CBR4: variants seen among roughly 807,000 people sequenced by gnomAD.
CBR4 encodes 3-oxoacyl-[acyl-carrier-protein] reductase.
In CBR4, 22 loss-of-function variants were observed where a neutral mutation model predicts 21.0. The ratio of observed to expected loss-of-function variants is 1.05; its 90% CI spans 0.75 to 1.50. The LOEUF (loss-of-function observed/expected upper bound fraction) is 1.50, where lower values mean the gene tolerates loss of function less well. CBR4 is among the 40% of genes most tolerant of loss of function. The pLI is 0.00. For missense variants in CBR4, 302 were observed against 286.3 expected, an observed-to-expected ratio of 1.05 and a Z score of -0.40; for synonymous variants, 100 against 104.4, an observed-to-expected ratio of 0.96 and a Z score of 0.26.
chr4:168,957,340 G>A (rs147160166), intron 2 of CBR4, among the ~76,000 whole-genome samples: 128 of 152,002 alleles, frequency 8.4e-4, no homozygotes, highest in Admixed American at 1.7e-3. Flanking sequence ...CATATGACTA[G>A]TCACTACAAG....
In CBR4 at chr4:168,987,720, A is replaced by G; in HGVS notation, c.*2430T>C. The stretch of plus-strand genomic sequence containing the variant: ...AATGTTTCACCAATGTTAAGGTACA[A>G]CTCTTGAATATGCAGCGTAGTCTTC... On this transcript the variant is annotated 3_prime_UTR_variant, in exon 5 of 5. Transcript: ENST00000306193. 3 of 984,728 alleles carry G rather than the reference A, an allele frequency of 3.0e-6. No homozygotes were observed. Among genetic ancestry groups the G allele is most frequent in the Admixed American group, 6.1e-5 (1 of 16,292 alleles). 61.0% of individuals were successfully genotyped at this position (984,728 alleles called of 1,614,324 possible). A position where few individuals can be genotyped will look rare whatever the true frequency, so the allele number is the denominator to read the frequency against.
At chr4:168,922,573 A>G (rs1761798029) in intron 2 of CBR4, among the ~76,000 whole-genome samples, 1 of 152,192 alleles carries the variant, frequency 6.6e-6, no homozygotes, top group South Asian at 2.1e-4. Context: ...CTCTTTCAAG[A>G]AATAGAGTAG....
At chr4:168,994,546 G>A (rs926055632) in intron 4 of CBR4, among the ~76,000 whole-genome samples, 3 of 152,098 alleles carry the variant, frequency 2.0e-5, no homozygotes, top group Admixed American at 6.6e-5. Context: ...GGTGGAAAAT[G>A]ACAGATCTCT....
chr4:168,943,059 G>GC (rs1200563043), intron 2 of CBR4, among the ~76,000 whole-genome samples: 2 of 152,174 alleles, frequency 1.3e-5, no homozygotes, highest in East Asian at 3.8e-4. Context: ...ACAGTATGGA[G>GC]ATTCCTCAAA....
intron 2 of CBR4, among the ~76,000 whole-genome samples, chr4:168,925,557 A>ATATC (rs1416363903): frequency 9.2e-5 from 14 of 152,294 alleles, no homozygotes; most frequent in Admixed American, 8.5e-4. Flanking sequence ...TCTCATTAAT[A>ATATC]TATCTTAAGC....
chr4:168,922,278 G>A (rs2126522019), intron 2 of CBR4, among the ~76,000 whole-genome samples: 1 of 152,160 alleles, frequency 6.6e-6, no homozygotes, highest in Middle Eastern at 3.4e-3. Context: ...GCTTTGAGAA[G>A]CCTAAAAGGA....
chr4:168,977,331 C>A lies in CBR4; in HGVS notation n.169+24740G>T, dbSNP rs551013681. Among the ~76,000 whole-genome samples the A allele has an allele frequency of 4.6e-5, 7 of 152,300 alleles. No homozygotes were observed. In the South Asian group the frequency reaches 1.0e-3, roughly 23 times the overall value. On this transcript the variant is annotated intron_variant and non_coding_transcript_variant, in intron 2 of 3. Coordinates refer to the CBR4 transcript ENST00000509108. ...TCCTTCCTTCAAGAAAAGTTTATTT[C>A]ATCAGCTTCTAGCACTCAGCTTTCT...
intron 2 of CBR4, among the ~76,000 whole-genome samples, chr4:168,931,524 T>C (rs1340409788): frequency 6.7e-6 from 1 of 149,044 alleles, no homozygotes; most frequent in Non-Finnish European, 1.5e-5. Context: ...CCCCATGGGG[T>C]CAACCCCCAT....
chr4:168,989,297 C>A lies in CBR4; in HGVS notation c.*853G>T. 1.0e-6 allele frequency: 1 copy of A among 985,340 alleles called. No homozygotes were observed. Among genetic ancestry groups the A allele is most frequent in the Non-Finnish European group, 1.2e-6 (1 of 829,880 alleles). 61.0% of individuals were successfully genotyped at this position (985,340 alleles called of 1,614,324 possible). A position where few individuals can be genotyped will look rare whatever the true frequency, so the allele number is the denominator to read the frequency against. On this transcript the variant is annotated 3_prime_UTR_variant, in exon 5 of 5. Transcript: ENST00000306193. ...ATGAATAAAAAACACATCCTAAGTT[C>A]ATGAAATCTGTGCGGTTCACTACTG...
At chr4:168,993,076 T>C (rs1254474342) in intron 4 of CBR4, among the ~76,000 whole-genome samples, 2 of 152,150 alleles carry the variant, frequency 1.3e-5, no homozygotes, top group Non-Finnish European at 2.9e-5. Flanking sequence ...TCTGCAGAAT[T>C]TCCAACAAAC....
chr4:168,905,138 G>GTT (rs777740588), intron 2 of CBR4, among the ~76,000 whole-genome samples: 364 of 34,424 alleles, frequency 0.011, 81 homozygotes, highest in African/African-American at 0.015. Context: ...TGTTTTGTTG[G>GTT]TTTTTTTTTT....
At position 168,990,117 on chromosome 4, in the gene CBR4, G is replaced by C. The variant is rs370839318; in HGVS notation, c.*33C>G. On this transcript the variant is annotated 3_prime_UTR_variant, in exon 5 of 5. Coordinates refer to ENST00000306193, the MANE Select transcript of CBR4 (RefSeq NM_032783.5). The stretch of plus-strand genomic sequence containing the variant: ...TCAGTAGCCAAAGTGTGCCCTTGAT[G>C]CTAATCACCCCTATAACTGAATAAT... 5 of 1,502,802 alleles carry C rather than the reference G, an allele frequency of 3.3e-6. No individual in the cohort carries two copies. In the African/African-American group the frequency reaches 4.2e-5, roughly 13 times the overall value. The allele number at this position is 1,502,802 out of a possible 1,614,324, so 93.1% of individuals were successfully genotyped here. A position where few individuals can be genotyped will look rare whatever the true frequency, so the allele number is the denominator to read the frequency against.
chr4:168,905,874 A>G (rs183608839), intron 2 of CBR4, among the ~76,000 whole-genome samples: 15 of 139,408 alleles, frequency 1.1e-4, no homozygotes, highest in African/African-American at 3.8e-4. Flanking sequence ...ATCTTAGCCC[A>G]CTGCAGTCTC....
intron 2 of CBR4, among the ~76,000 whole-genome samples, chr4:168,904,538 G>A (rs905491392): frequency 3.3e-5 from 5 of 152,126 alleles, no homozygotes; most frequent in African/African-American, 1.2e-4. Context: ...TTTTTATTAT[G>A]TTATACATTT....
chr4:168,979,895 G>A (rs1353328366), intron 2 of CBR4, among the ~76,000 whole-genome samples: 1 of 152,072 alleles, frequency 6.6e-6, no homozygotes, highest in Non-Finnish European at 1.5e-5. Flanking sequence ...AAGACCCTGA[G>A]TGCCTTACTC....
chr4:168,926,458 T>C (rs763627803), intron 2 of CBR4: 26 of 1,080,330 alleles, frequency 2.4e-5, no homozygotes, highest in African/African-American at 3.1e-5. Context: ...TGTCACATTA[T>C]GTAAAAGGCA....
In CBR4 at chr4:168,990,134, C is replaced by T. The variant is rs377745793; in HGVS notation, c.*16G>A. ...CCCTTGATGCTAATCACCCCTATAA[C>T]TGAATAATCTGCAAATTACAAAATG... On this transcript the variant is annotated 3_prime_UTR_variant, in exon 5 of 5. Transcript: ENST00000306193. The T allele has an allele frequency of 2.3e-5, 36 of 1,586,402 alleles. No individual in the cohort carries two copies. In the Middle Eastern group the frequency reaches 5.0e-4, roughly 22 times the overall value.
At chr4:168,995,577 C>T (rs1169663068) in intron 4 of CBR4, among the ~76,000 whole-genome samples, 1 of 146,330 alleles carries the variant, frequency 6.8e-6, no homozygotes, top group Non-Finnish European at 1.5e-5. Flanking sequence ...TGTGCTCTCT[C>T]TCCTTGGCCC....
intron 2 of CBR4, among the ~76,000 whole-genome samples, chr4:168,956,856 C>T (rs938815570): frequency 1.3e-5 from 2 of 152,092 alleles, no homozygotes; most frequent in African/African-American, 4.8e-5. Context: ...TTTCCATTAA[C>T]CTCCCTGCAA....
Sources: allele counts gnomAD v4.1 joint callset (sites outside exome capture counted in the v4.1 genomes callset), GRCh38; gene constraint gnomAD v4.1.1; transcripts MANE v1.5; gene names NCBI Gene and HGNC (gene_info 2026-07-23, HGNC 2026-07-21).